RNF169: variants seen among roughly 807,000 people sequenced by gnomAD.
RNF169 encodes E3 ubiquitin-protein ligase RNF169.
In RNF169, 24 loss-of-function variants were observed where a neutral mutation model predicts 53.9. The observed-to-expected ratio is 0.45, with a 90% CI of 0.32 to 0.63. The LOEUF (loss-of-function observed/expected upper bound fraction) is 0.63, where lower values mean the gene tolerates loss of function less well. Among genes scored for constraint, RNF169 ranks in the 20% least tolerant of loss-of-function variants. The pLI is 0.04. For missense variants in RNF169, 883 were observed against 906.2 expected (o/e 0.97, Z 0.33); for synonymous variants, 396 against 363.5 (o/e 1.09, Z -1.02).
At chr11:74,805,285 A>C (rs1375025935) in intron 2 of RNF169, among the ~76,000 whole-genome samples, 1 of 152,238 alleles carries the variant, frequency 6.6e-6, no homozygotes, top group Non-Finnish European at 1.5e-5. Flanking sequence ...ACTTGACACA[A>C]AGAAATACAT....
chr11:74,770,524 A>G (rs185421204), intron 1 of RNF169, among the ~76,000 whole-genome samples: 1 of 152,234 alleles, frequency 6.6e-6, no homozygotes, highest in Admixed American at 6.5e-5. Flanking sequence ...GGTTACTGAC[A>G]TCTAAACATA....
intron 3 of RNF169, among the ~76,000 whole-genome samples, chr11:74,815,074 G>A (rs2035925475): frequency 6.6e-6 from 1 of 151,888 alleles, no homozygotes; most frequent in South Asian, 2.1e-4. Flanking sequence ...TGTTTTAGAT[G>A]TCACTGCAAG....
At chr11:74,774,638 G>A (rs1030534273) in intron 1 of RNF169, among the ~76,000 whole-genome samples, 2 of 152,088 alleles carry the variant, frequency 1.3e-5, no homozygotes, top group African/African-American at 4.8e-5. Flanking sequence ...TCCTAATAGA[G>A]TGGGTTAAGG....
rs1357342293 is a variant in RNF169, at chr11:74,838,219, A to G, written c.*1489A>G. On this transcript the variant is annotated 3_prime_UTR_variant, in exon 6 of 6. Transcript: ENST00000299563. ...CCTCCTAAGGTCCTCCTCAGCTTCT[A>G]GACCTAGAAGCCAAAGTCCAGAACA... 1 of 152,218 alleles carries G rather than the reference A, an allele frequency of 6.6e-6. No homozygotes were observed. The highest frequency in any genetic ancestry group is 2.4e-5 in the African/African-American group (1 of 41,452). The allele number at this position is 152,218 out of a possible 1,614,324, so 9.4% of individuals were successfully genotyped here.
In RNF169 at chr11:74,764,390, G is replaced by A. The variant is rs143668408; in HGVS notation, c.502+15008G>A. On this transcript the variant is annotated intron_variant, in intron 1 of 5. Transcript: ENST00000299563. ...CTCTACTAAATACAAAAAATTAGCCGGGTGTGGTGGCGCATGCCTGTAATC... is the reference window on the plus strand; with the variant it reads ...CTCTACTAAATACAAAAAATTAGCCAGGTGTGGTGGCGCATGCCTGTAATC... Among the ~76,000 whole-genome samples, 416 of 152,246 alleles carry A rather than the reference G, an allele frequency of 2.7e-3. 2 individuals carry two copies. The Middle Eastern group carries it at 0.041, about 15-fold the overall frequency.
chr11:74,833,518 C>G (rs1303146275), intron 4 of RNF169, among the ~76,000 whole-genome samples: 4 of 151,624 alleles, frequency 2.6e-5, no homozygotes, highest in African/African-American at 7.3e-5. Flanking sequence ...ATGAAGAACT[C>G]TCTCCTTTAT....
Position 74,755,753 on chromosome 11 carries a change from C to T in RNF169, c.502+6371C>T, listed in dbSNP as rs557264873. ...GGATGTCCATTCCAGGTAGAAGAGC[C>T]TGCATGTAGAAAGGCTTGAAGGTGC... On this transcript the variant is annotated intron_variant, in intron 1 of 5. Transcript: ENST00000299563. Among the ~76,000 whole-genome samples, 10 of 152,288 alleles carry T rather than the reference C, an allele frequency of 6.6e-5. No individual in the cohort carries two copies. The East Asian group carries it at 1.7e-3, about 26-fold the overall frequency.
chr11:74,838,869 AGTAAATATT>A lies in RNF169; in HGVS notation c.*2140_*2148del, dbSNP rs2036296666. ...TTTCACGCATTTCCTTTTTGATCTTAGTAAATATTATTGGAAGGCTAGTCTTGTTGGTAG... is the reference window on the plus strand; with the variant it reads ...TTTCACGCATTTCCTTTTTGATCTTAATTGGAAGGCTAGTCTTGTTGGTAG... On this transcript the variant is annotated 3_prime_UTR_variant, in exon 6 of 6. Transcript: ENST00000299563. 1 of 152,140 alleles carries A rather than the reference AGTAAATATT, an allele frequency of 6.6e-6. No individual in the cohort carries two copies. Among genetic ancestry groups the A allele is most frequent in the South Asian group, 2.1e-4 (1 of 4,830 alleles). The allele number at this position is 152,140 out of a possible 1,614,324, so 9.4% of individuals were successfully genotyped here.
chr11:74,782,034 G>A (rs2035423969), intron 1 of RNF169, among the ~76,000 whole-genome samples: 1 of 152,192 alleles, frequency 6.6e-6, no homozygotes, highest in African/African-American at 2.4e-5. Flanking sequence ...TTTATTATAT[G>A]TGTGGCAAGT....
intron 1 of RNF169, among the ~76,000 whole-genome samples, chr11:74,768,337 T>G (rs1053431091): frequency 3.9e-5 from 6 of 152,232 alleles, no homozygotes; most frequent in Non-Finnish European, 7.3e-5. Context: ...CCAGGCATGG[T>G]GGCTCACGCC....
At chr11:74,780,933 GA>G (rs749152176) in intron 1 of RNF169, among the ~76,000 whole-genome samples, 8 of 152,302 alleles carry the variant, frequency 5.3e-5, no homozygotes, top group Non-Finnish European at 1.0e-4. Flanking sequence ...ACCAGAACCT[GA>G]GGGTCCAAGA....
intron 1 of RNF169, among the ~76,000 whole-genome samples, chr11:74,785,586 T>C (rs2035488544): frequency 6.6e-6 from 1 of 152,070 alleles, no homozygotes; most frequent in Non-Finnish European, 1.5e-5. Flanking sequence ...ATTCAAGAAG[T>C]ACTTTACTTT....
chr11:74,832,957 A>G (rs553198043), intron 4 of RNF169, among the ~76,000 whole-genome samples: 4 of 152,268 alleles, frequency 2.6e-5, no homozygotes, highest in Admixed American at 2.6e-4. Flanking sequence ...TTATAGGGGG[A>G]TGTTGAAATT....
At chr11:74,777,443 T>C (rs2035352395) in intron 1 of RNF169, among the ~76,000 whole-genome samples, 1 of 152,166 alleles carries the variant, frequency 6.6e-6, no homozygotes, top group Admixed American at 6.5e-5. Context: ...AAAGCCTTCA[T>C]CTTAGCAGCA....
At chr11:74,821,062 A>G (rs2036003306) in intron 4 of RNF169, among the ~76,000 whole-genome samples, 1 of 152,236 alleles carries the variant, frequency 6.6e-6, no homozygotes, top group Non-Finnish European at 1.5e-5. Context: ...ATTGGAACCC[A>G]GTTCTCTTTT....
chr11:74,836,653 A>G lies in RNF169; in HGVS notation c.2050A>G (p.Arg684Gly), dbSNP rs775586495. The G allele has an allele frequency of 6.2e-7, 1 of 1,613,966 alleles. No homozygotes were observed. Among genetic ancestry groups the G allele is most frequent in the Non-Finnish European group, 8.5e-7 (1 of 1,180,040 alleles). Residue 684 changes from arginine to glycine, a missense_variant, in exon 6 of 6, where the codon AGG becomes GGG. By Grantham distance (125) the Arg-to-Gly change is moderately radical (BLOSUM62 -2). This residue lies in a region of RNF169 where 351 missense variants were observed against 337.3 expected (regional missense o/e 1.04). Transcript: ENST00000299563. ...GTTGCAGCGCATGTTCGACAATGAG[A>G]GGCGGACTGTGAGCCGGCGAAAAGG... ...LQLQRMFDNERRTVSRRKGSV... is the reference protein window; with the variant it reads ...LQLQRMFDNEGRTVSRRKGSV...
intron 1 of RNF169, among the ~76,000 whole-genome samples, chr11:74,783,225 A>G (rs1020448655): frequency 5.3e-5 from 8 of 150,324 alleles, no homozygotes; most frequent in Non-Finnish European, 1.2e-4. Flanking sequence ...CAACATGCCT[A>G]TCTTGTAGTT....
At chr11:74,815,755 G>T (rs2035934641) in intron 3 of RNF169, among the ~76,000 whole-genome samples, 1 of 152,062 alleles carries the variant, frequency 6.6e-6, no homozygotes, top group Non-Finnish European at 1.5e-5. Context: ...AGGAAACTGA[G>T]GCTCAGGAAG....
At position 74,749,347 on chromosome 11, in the gene RNF169, C is replaced by T. The variant is rs752477085; in HGVS notation, c.467C>T (p.Pro156Leu). Residue 156 changes from proline to leucine, a missense_variant, in exon 1 of 6, where the codon CCA becomes CTA. By Grantham distance (98) the Pro-to-Leu change is moderately conservative. Transcript: ENST00000299563. ...GGCGCGGCTGCCGCGGGGCCCAGGC[C>T]AGAGCAGGAGCCGCGTGCCGCGCCT... ...DGGAAAAGPR[P>L]EQEPRAAPAE... 3 of 1,226,704 alleles carry T rather than the reference C, an allele frequency of 2.4e-6. No individual in the cohort carries two copies. The highest frequency in any genetic ancestry group is 3.1e-5 in the African/African-American group (2 of 64,422). The allele number at this position is 1,226,704 out of a possible 1,614,324, so 76.0% of individuals were successfully genotyped here.
Sources: allele counts gnomAD v4.1 joint callset (sites outside exome capture counted in the v4.1 genomes callset), GRCh38; gene constraint gnomAD v4.1.1; regional missense constraint gnomAD v4.1.1; transcripts MANE v1.5; gene names NCBI Gene and HGNC (gene_info 2026-07-23, HGNC 2026-07-21).